The following BBOX1 variants were observed in gnomAD, a reference collection of about 807,000 sequenced individuals.
The protein encoded by BBOX1 is gamma-butyrobetaine dioxygenase.
In BBOX1, 35 loss-of-function variants were observed where a neutral mutation model predicts 41.6. The ratio of observed to expected loss-of-function variants is 0.84; its 90% CI spans 0.64 to 1.11. The LOEUF (loss-of-function observed/expected upper bound fraction) is 1.11, where lower values mean the gene tolerates loss of function less well. Ranked by LOEUF, BBOX1 falls within the 50% of genes most tolerant of loss-of-function variation. BBOX1 has a pLI of 0.00. For missense variants in BBOX1, 458 were observed against 460.6 expected, an observed-to-expected ratio of 0.99 and a Z score of 0.05; for synonymous variants, 163 against 154.7, an observed-to-expected ratio of 1.05 and a Z score of -0.40.
chr11:27,044,363 A>G (rs1162225960), intron 2 of BBOX1, among the ~76,000 whole-genome samples: 1 of 152,148 alleles, frequency 6.6e-6, no homozygotes, highest in Non-Finnish European at 1.5e-5. Context: ...ATAGATTGCA[A>G]AAATTTTCTC....
At chr11:27,051,772 G>A (rs925366228) in intron 2 of BBOX1, among the ~76,000 whole-genome samples, 2 of 151,416 alleles carry the variant, frequency 1.3e-5, no homozygotes, top group African/African-American at 4.8e-5. Context: ...TTTTTTTCTT[G>A]TCTCTATTTC....
At position 27,125,764 on chromosome 11, in the gene BBOX1, A is replaced by G. The variant is rs1859629339; in HGVS notation, c.947A>G (p.Glu316Gly). 1 of 1,613,666 alleles carries G rather than the reference A, an allele frequency of 6.2e-7. No homozygotes were observed. The highest frequency in any genetic ancestry group is 1.3e-5 in the African/African-American group (1 of 74,908). ...CAGCCTTTTTATGCTGCTCTGAAGG[A>G]GTTTGTTGACCTCATGAACAGCAAA... ...RVQPFYAALK[E>G]FVDLMNSKES... The change falls in exon 8 of 9, where the codon GAG becomes GGG. Residue 316 changes from glutamate (E) to glycine (G), a missense_variant. Glu to Gly is a moderately conservative substitution (Grantham distance 98). Transcript: ENST00000263182.
intron 2 of BBOX1, among the ~76,000 whole-genome samples, chr11:27,046,916 C>T (rs1240400512): frequency 5.6e-4 from 1 of 1,780 alleles, no homozygotes; most frequent in Non-Finnish European, 1.1e-3. Flanking sequence ...TGATGATCTG[C>T]AATTTTTTTT....
intron 2 of BBOX1, chr11:27,046,228 G>A (rs1851482912): frequency 6.6e-6 from 1 of 151,976 alleles, no homozygotes. Flanking sequence ...CTACTTTCTT[G>A]ATTTTCCAAA....
chr11:27,049,135 T>TG (rs10719276), intron 2 of BBOX1, among the ~76,000 whole-genome samples: 2 of 151,114 alleles, frequency 1.3e-5, no homozygotes, highest in Non-Finnish European at 2.9e-5. Context: ...ATAAGTTATT[T>TG]GGGGGGGGGG....
In BBOX1 at chr11:27,049,474, T is replaced by G. The variant is rs372084194; in HGVS notation, c.-38-5919T>G. Among the ~76,000 whole-genome samples the G allele has an allele frequency of 3.1e-3, 476 of 152,236 alleles. 3 individuals are homozygous for G. The highest frequency in any genetic ancestry group is 0.011 in the African/African-American group (460 of 41,532). On this transcript the variant is annotated intron_variant, in intron 2 of 8. Coordinates refer to ENST00000263182, the MANE Select transcript of BBOX1 (RefSeq NM_003986.3). Reference sequence around the variant, plus strand: ...TATGTTGGCCACGTTGGCCTCAAACTCCTGAGTTCAAGCAATCCTCCTACC... The same window carrying G: ...TATGTTGGCCACGTTGGCCTCAAACGCCTGAGTTCAAGCAATCCTCCTACC...
At chr11:27,052,501 G>A (rs1227750338) in intron 2 of BBOX1, among the ~76,000 whole-genome samples, 2 of 151,974 alleles carry the variant, frequency 1.3e-5, no homozygotes, top group Non-Finnish European at 2.9e-5. Flanking sequence ...TTCATGATCT[G>A]GTATCAACAT....
intron 5 of BBOX1, among the ~76,000 whole-genome samples, chr11:27,111,340 A>G (rs1859056166): frequency 6.6e-6 from 1 of 151,868 alleles, no homozygotes; most frequent in African/African-American, 2.4e-5. Flanking sequence ...ACTAGGAACT[A>G]CTAGAGTGGG....
intron 4 of BBOX1, among the ~76,000 whole-genome samples, chr11:27,078,113 G>C (rs370914014): frequency 6.6e-6 from 1 of 151,924 alleles, no homozygotes; most frequent in Non-Finnish European, 1.5e-5. Flanking sequence ...CTTTCTGACT[G>C]CTCAAACTTT....
chr11:27,078,257 T>C (rs1857703133), intron 4 of BBOX1, among the ~76,000 whole-genome samples: 1 of 152,188 alleles, frequency 6.6e-6, no homozygotes, highest in Non-Finnish European at 1.5e-5. Context: ...GAAATAGGCA[T>C]CACTTCACTG....
At chr11:27,068,191 C>T (rs1383901543) in intron 4 of BBOX1, among the ~76,000 whole-genome samples, 2 of 152,094 alleles carry the variant, frequency 1.3e-5, no homozygotes, top group Non-Finnish European at 1.5e-5. Context: ...TACATTCCTA[C>T]CCACAGTGAA....
chr11:27,122,788 GT>G lies in BBOX1; in HGVS notation c.837-2856del, dbSNP rs140084475. 4.7e-5 allele frequency among the ~76,000 whole-genome samples: 7 copies of G among 147,908 alleles called. No homozygotes were observed. The East Asian group carries it at 1.0e-3, about 21-fold the overall frequency. On this transcript the variant is annotated intron_variant, in intron 7 of 8. Coordinates refer to ENST00000263182, the MANE Select transcript of BBOX1 (RefSeq NM_003986.3). ...GATCATTTTAAAAGTCCTTTCTTTG[GT>G]TTTTTTTTTGTTGTTGTTGGCATCA...
Position 27,055,513 on chromosome 11 carries a change from T to G in BBOX1, c.83T>G (p.Leu28Arg). ...CTCTGGTATGATGAGGAAGAGTCTC[T>G]CTACCCAGCTGTATGGTTGAGAGAC... Reference protein sequence around the residue: ...QILWYDEEESLYPAVWLRDNC... With the variant: ...QILWYDEEESRYPAVWLRDNC... Residue 28 changes from leucine (L) to arginine (R), a missense_variant, in exon 3 of 9, where the codon CTC (leucine) becomes CGC (arginine). Physicochemically the swap from Leu to Arg is moderately radical, Grantham distance 102. Transcript: ENST00000263182. 1 of 1,614,196 alleles carries G rather than the reference T, an allele frequency of 6.2e-7. No homozygotes were observed. Among genetic ancestry groups the G allele is most frequent in the Non-Finnish European group, 8.5e-7 (1 of 1,180,034 alleles).
In BBOX1 at chr11:27,127,317, G is replaced by A. The variant is rs775706490; in HGVS notation, c.1028G>A (p.Trp343Ter). Residue 343 changes from tryptophan to a stop codon, truncating the protein, a stop_gained, in exon 9 of 9, where the codon TGG (tryptophan) becomes TAG (stop). Transcript: ENST00000263182. LOFTEE classifies it high-confidence loss of function. The stretch of plus-strand genomic sequence containing the variant: ...GGTGATGTGATTACTTTTGATAACT[G>A]GCGCTTACTTCATGGCCGACGTAGC... ...NPGDVITFDN[W>*]RLLHGRRSYE... 6.2e-7 allele frequency: 1 copy of A among 1,614,014 alleles called. No homozygotes were observed. The highest frequency in any genetic ancestry group is 8.5e-7 in the Non-Finnish European group (1 of 1,179,988).
At chr11:27,108,839 C>T (rs1454634434) in intron 5 of BBOX1, among the ~76,000 whole-genome samples, 1 of 151,966 alleles carries the variant, frequency 6.6e-6, no homozygotes, top group East Asian at 1.9e-4. Context: ...AGAAAAATAT[C>T]CCCACATGTG....
At position 27,103,213 on chromosome 11, in the gene BBOX1, T is replaced by G. The variant is rs543328978; in HGVS notation, c.533+9847T>G. ...AAAAAAGTAATTTGATGTTTTTACC[T>G]GGATTTTGAATTTGTGTTGTTGTTG... On this transcript the variant is annotated intron_variant, in intron 5 of 8. Coordinates refer to ENST00000263182, the MANE Select transcript of BBOX1 (RefSeq NM_003986.3). Among the ~76,000 whole-genome samples, 3 of 152,272 alleles carry G rather than the reference T, an allele frequency of 2.0e-5. No individual in the cohort carries two copies. In the South Asian group the frequency reaches 6.2e-4, roughly 32 times the overall value.
At chr11:27,101,934 T>C (rs1175499157) in intron 5 of BBOX1, among the ~76,000 whole-genome samples, 2 of 152,130 alleles carry the variant, frequency 1.3e-5, no homozygotes, top group Admixed American at 6.6e-5. Flanking sequence ...TCTTTAGGTC[T>C]CCAGTACTTA....
chr11:27,052,940 T>A (rs1856861123), intron 2 of BBOX1, among the ~76,000 whole-genome samples: 1 of 151,892 alleles, frequency 6.6e-6, no homozygotes. Context: ...GGCAGCCAAG[T>A]CTTATCACCT....
intron 7 of BBOX1, among the ~76,000 whole-genome samples, chr11:27,123,475 C>A (rs568308929): frequency 2.0e-5 from 3 of 151,920 alleles, no homozygotes; most frequent in Admixed American, 2.0e-4. Context: ...AAACAGACGA[C>A]CCCCCCAGAA....
Sources: gnomAD v4.1 joint callset for allele counts (sites outside exome capture counted in the v4.1 genomes callset) on GRCh38, gnomAD v4.1.1 for gene constraint, MANE v1.5 for transcripts, NCBI Gene and HGNC (gene_info 2026-07-23, HGNC 2026-07-21) for gene names.